CPED1: variants seen among roughly 807,000 people sequenced by gnomAD.
CPED1 encodes the protein cadherin-like and PC-esterase domain-containing protein 1.
A neutral mutation model predicts 128.2 loss-of-function variants in CPED1; 114 were observed. That is an observed-to-expected ratio of 0.89 (90% CI 0.76 to 1.04). The LOEUF (loss-of-function observed/expected upper bound fraction) is 1.04, where lower values mean the gene tolerates loss of function less well. Among genes scored for constraint, CPED1 ranks in the 50% least tolerant of loss-of-function variants. The pLI is 0.00. For missense variants in CPED1, 1,211 were observed against 1,207.1 expected, an observed-to-expected ratio of 1.00 and a Z score of -0.05; for synonymous variants, 462 against 426.7, an observed-to-expected ratio of 1.08 and a Z score of -1.02.
chr7:121,277,517 G>A (rs916889735), intron 22 of CPED1, among the ~76,000 whole-genome samples: 1 of 152,100 alleles, frequency 6.6e-6, no homozygotes, highest in Non-Finnish European at 1.5e-5. Context: ...TATTCTGTGT[G>A]GCAGAGAAGA....
intron 16 of CPED1, among the ~76,000 whole-genome samples, chr7:121,215,075 A>G (rs1210110359): frequency 2.6e-5 from 4 of 152,006 alleles, no homozygotes; most frequent in African/African-American, 9.7e-5. Flanking sequence ...GTGCATGTAG[A>G]CTGCCGGGCC....
chr7:121,088,515 T>A (rs1422283252), intron 5 of CPED1, among the ~76,000 whole-genome samples: 6 of 151,118 alleles, frequency 4.0e-5, no homozygotes, highest in Non-Finnish European at 8.9e-5. Context: ...AAAAATTAGT[T>A]GGGTGTGATG....
At chr7:121,007,719 A>T (rs1164012128) in intron 2 of CPED1, among the ~76,000 whole-genome samples, 1 of 152,108 alleles carries the variant, frequency 6.6e-6, no homozygotes, top group Admixed American at 6.5e-5. Flanking sequence ...TTTCTCTCCA[A>T]TACTGGAATG....
chr7:121,198,936 C>T (rs1797328190), intron 16 of CPED1, among the ~76,000 whole-genome samples: 1 of 152,014 alleles, frequency 6.6e-6, no homozygotes, highest in Non-Finnish European at 1.5e-5. Flanking sequence ...TGCTTTTTTC[C>T]CCTGCCCACC....
At chr7:121,048,686 G>C (rs929601042) in intron 4 of CPED1, among the ~76,000 whole-genome samples, 6 of 152,040 alleles carry the variant, frequency 3.9e-5, no homozygotes, top group African/African-American at 1.4e-4. Context: ...TTACACATGT[G>C]TACCACCACG....
chr7:121,284,115 A>C (rs1039650894), intron 22 of CPED1, among the ~76,000 whole-genome samples: 1 of 152,148 alleles, frequency 6.6e-6, no homozygotes, highest in African/African-American at 2.4e-5. Context: ...TACAACTGGC[A>C]AAAGGGGAAG....
At chr7:121,092,164 G>A (rs889014179) in intron 5 of CPED1, among the ~76,000 whole-genome samples, 1 of 152,128 alleles carries the variant, frequency 6.6e-6, no homozygotes, top group African/African-American at 2.4e-5. Context: ...CCCTTCCTGG[G>A]ACTGCCTTGG....
In CPED1 at chr7:121,127,229, A is replaced by C; in HGVS notation, c.1274A>C (p.Gln425Pro). 6.3e-7 allele frequency: 1 copy of C among 1,588,858 alleles called. No homozygotes were observed. Among genetic ancestry groups the C allele is most frequent in the Non-Finnish European group, 8.6e-7 (1 of 1,160,410 alleles). ...CTTTCCATATTTTCTGAGATATTTC[A>C]GAGACTTTATAGATCAGATGTTTTC... is the stretch of plus-strand genomic sequence containing the variant. ...SSLSIFSEIF[Q>P]RLYRSDVFKG... Residue 425 changes from glutamine to proline, a missense_variant, in exon 10 of 23, where the codon CAG becomes CCG. Coordinates refer to ENST00000310396, the MANE Select transcript of CPED1 (RefSeq NM_024913.5).
In CPED1 at chr7:121,125,890, C is replaced by T. The variant is rs755212160; in HGVS notation, c.1132C>T (p.Gln378Ter). 4 of 1,606,906 alleles carry T rather than the reference C, an allele frequency of 2.5e-6. No individual in the cohort carries two copies. Among genetic ancestry groups the T allele is most frequent in the Middle Eastern group, 1.7e-4 (1 of 6,042 alleles). ...CAGTTTCATGTACCCTGTAGTGCTC[C>T]AGGTCAGTATGCCAAAGGCCTCATG... is the stretch of plus-strand genomic sequence containing the variant. ...YGSFMYPVVL[Q>*]VHEHLNFQDY... The change falls in exon 9 of 23, where the codon CAG becomes TAG. Residue 378 changes from glutamine to a stop codon, truncating the protein, a stop_gained and splice_region_variant. Coordinates refer to ENST00000310396, the MANE Select transcript of CPED1 (RefSeq NM_024913.5). LOFTEE classifies it high-confidence loss of function.
chr7:121,160,468 G>C (rs1282355385), intron 16 of CPED1, among the ~76,000 whole-genome samples: 1 of 152,172 alleles, frequency 6.6e-6, no homozygotes, highest in African/African-American at 2.4e-5. Flanking sequence ...GCTCCCAGAG[G>C]GGGAAGGGAG....
chr7:120,996,931 G>A (rs1441711796), intron 2 of CPED1, among the ~76,000 whole-genome samples: 2 of 152,188 alleles, frequency 1.3e-5, no homozygotes, highest in Non-Finnish European at 2.9e-5. Flanking sequence ...CAATTGAGTA[G>A]AAACCACACT....
intron 12 of CPED1, among the ~76,000 whole-genome samples, chr7:121,132,374 C>G (rs1272639996): frequency 6.6e-6 from 1 of 152,006 alleles, no homozygotes; most frequent in Admixed American, 6.6e-5. Flanking sequence ...CTTATCTTCT[C>G]AATGGTTACC....
intron 14 of CPED1, 131 bp from the exon 15 acceptor site, chr7:121,140,696 G>A (rs1003821053): frequency 5.6e-5 from 36 of 642,060 alleles, no homozygotes; most frequent in Non-Finnish European, 1.1e-5. Flanking sequence ...TCAGGGTACT[G>A]ATTGGAAAGT....
Position 121,140,812 on chromosome 7 carries a change from T to G in CPED1, c.1700-15T>G. The G allele has an allele frequency of 5.7e-6, 9 of 1,588,150 alleles. No homozygotes were observed. Among genetic ancestry groups the G allele is most frequent in the Non-Finnish European group, 7.7e-6 (9 of 1,165,130 alleles). ...TTCACAGTTGTCTTTGTCATTGTTT[T>G]TGTTTTTTTAACAGATGAAAACACA... On this transcript the variant is annotated splice_polypyrimidine_tract_variant and intron_variant, in intron 14 of 22. Transcript: ENST00000310396.
intron 7 of CPED1, among the ~76,000 whole-genome samples, chr7:121,121,062 T>A (rs1795373846): frequency 6.6e-6 from 1 of 151,524 alleles, no homozygotes. Flanking sequence ...ATGACATGTG[T>A]TGACATTGAG....
At chr7:121,153,503 CT>C (rs2116408261) in intron 16 of CPED1, among the ~76,000 whole-genome samples, 1 of 152,288 alleles carries the variant, frequency 6.6e-6, no homozygotes, top group East Asian at 1.9e-4. Context: ...ATTCTAATTG[CT>C]TTCCACTTAT....
intron 16 of CPED1, among the ~76,000 whole-genome samples, chr7:121,235,832 G>A (rs1031294459): frequency 1.3e-5 from 2 of 152,272 alleles, no homozygotes; most frequent in Non-Finnish European, 2.9e-5. Flanking sequence ...AGACGTAATT[G>A]TGCTAGAGTT....
intron 4 of CPED1, among the ~76,000 whole-genome samples, chr7:121,057,372 G>T (rs1400442863): frequency 1.3e-5 from 2 of 151,964 alleles, no homozygotes; most frequent in Admixed American, 6.6e-5. Context: ...TGAGGTTTGG[G>T]GTATGATTTT....
intron 4 of CPED1, among the ~76,000 whole-genome samples, chr7:121,049,672 T>C (rs986496093): frequency 1.3e-5 from 2 of 152,234 alleles, no homozygotes; most frequent in African/African-American, 4.8e-5. Flanking sequence ...TAACTGGGTG[T>C]CATGCTGCAA....
Sources: allele counts gnomAD v4.1 joint callset (sites outside exome capture counted in the v4.1 genomes callset), GRCh38; gene constraint gnomAD v4.1.1; transcripts MANE v1.5; gene names NCBI Gene and HGNC (gene_info 2026-07-23, HGNC 2026-07-21).